Variants in EXOC2 observed in about 807,000 individuals in gnomAD.
EXOC2 encodes SEC5-like 1.
A neutral mutation model predicts 131.8 loss-of-function variants in EXOC2; 70 were observed. That is an observed-to-expected ratio of 0.53 (90% CI 0.44 to 0.65). EXOC2 has a LOEUF of 0.65. Ranked by LOEUF, EXOC2 falls within the 30% of genes least tolerant of loss-of-function variation. The probability of loss-of-function intolerance (pLI) is 0.00; values close to 1 mark genes in which losing one functional copy is unlikely to be tolerated. For missense variants in EXOC2, 923 were observed against 1,108.6 expected (o/e 0.83, Z 2.38); for synonymous variants, 411 against 398.4 (o/e 1.03, Z -0.38).
chr6:664,934 A>G (rs1191675222), intron 1 of EXOC2, among the ~76,000 whole-genome samples: 1 of 152,214 alleles, frequency 6.6e-6, no homozygotes, highest in African/African-American at 2.4e-5. Flanking sequence ...AAAGATAAAT[A>G]GCTGGGACCT....
chr6:657,320 G>A (rs1393154914), intron 1 of EXOC2: 1 of 173,616 alleles, frequency 5.8e-6, no homozygotes. Flanking sequence ...TATATACACT[G>A]ATTCCATCTT....
At chr6:652,991 T>C (rs1360865894) in intron 1 of EXOC2, among the ~76,000 whole-genome samples, 1 of 152,212 alleles carries the variant, frequency 6.6e-6, no homozygotes, top group Non-Finnish European at 1.5e-5. Flanking sequence ...TATCATTACA[T>C]CTGTCATGGT....
At chr6:507,174 A>C (rs1236241484) in intron 23 of EXOC2, among the ~76,000 whole-genome samples, 7 of 36,746 alleles carry the variant, frequency 1.9e-4, no homozygotes, top group African/African-American at 5.7e-4. Context: ...CCCCACCCAC[A>C]CACACAGCAG....
In EXOC2 at chr6:686,903, T is replaced by C. The variant is rs550505018; in HGVS notation, c.-44+6116A>G. ...CCTCCATCCACCCCCAACAAATAAATGAAGACAAAAACTTCAAAGAAGATA... is the reference window on the plus strand; with the variant it reads ...CCTCCATCCACCCCCAACAAATAAACGAAGACAAAAACTTCAAAGAAGATA... On this transcript the variant is annotated intron_variant, in intron 1 of 27. Coordinates refer to ENST00000230449, the MANE Select transcript of EXOC2 (RefSeq NM_018303.6). Among the ~76,000 whole-genome samples the C allele has an allele frequency of 1.1e-4, 17 of 151,480 alleles. No individual in the cohort carries two copies. The South Asian group carries it at 2.9e-3, about 26-fold the overall frequency.
chr6:579,227 C>G (rs1758750899), intron 11 of EXOC2, among the ~76,000 whole-genome samples: 1 of 152,098 alleles, frequency 6.6e-6, no homozygotes, highest in Non-Finnish European at 1.5e-5. Context: ...ATTTTTATAA[C>G]TTTAAATTGT....
At chr6:649,333 G>A (rs1762729523) in intron 1 of EXOC2, among the ~76,000 whole-genome samples, 1 of 152,154 alleles carries the variant, frequency 6.6e-6, no homozygotes, top group Non-Finnish European at 1.5e-5. Flanking sequence ...AATATACAAA[G>A]TACTAAATAA....
At chr6:616,080 A>G (rs898094343) in intron 6 of EXOC2, among the ~76,000 whole-genome samples, 5 of 152,234 alleles carry the variant, frequency 3.3e-5, no homozygotes, top group Non-Finnish European at 5.9e-5. Context: ...GCAACTTTAC[A>G]TATCAGCTCT....
At chr6:532,709 C>A in intron 22 of EXOC2, 99 bp from the exon 23 acceptor site, 4 of 1,169,020 alleles carry the variant, frequency 3.4e-6, no homozygotes, top group African/African-American at 3.2e-5. Flanking sequence ...AATAAAAGCA[C>A]TTCTCAATTT....
chr6:595,893 C>T (rs1048268273), intron 10 of EXOC2, among the ~76,000 whole-genome samples: 9 of 152,040 alleles, frequency 5.9e-5, no homozygotes, highest in African/African-American at 2.2e-4. Context: ...GGTTTATTTC[C>T]AGCTTTACAT....
chr6:537,205 A>AGTTCCTAATCAGCT (rs1766497762), intron 22 of EXOC2, among the ~76,000 whole-genome samples: 2 of 121,250 alleles, frequency 1.6e-5, no homozygotes, highest in African/African-American at 6.4e-5. Flanking sequence ...TACACTCGAG[A>AGTTCCTAATCAGCT]TGACGACCGA....
intron 15 of EXOC2, 116 bp downstream of exon 15, chr6:564,429 C>T (rs1046275447): frequency 4.3e-6 from 6 of 1,406,820 alleles, no homozygotes; most frequent in Non-Finnish European, 4.9e-6. Flanking sequence ...ACAGTGGAGG[C>T]AAAAGGACAA....
intron 22 of EXOC2, among the ~76,000 whole-genome samples, chr6:542,409 G>T (rs779086600): frequency 1.3e-5 from 2 of 152,124 alleles, no homozygotes; most frequent in Non-Finnish European, 2.9e-5. Context: ...GAAAGAGGAC[G>T]GTACGGTGCA....
intron 2 of EXOC2, among the ~76,000 whole-genome samples, chr6:637,104 G>A (rs1164817516): frequency 1.3e-5 from 2 of 152,096 alleles, no homozygotes; most frequent in African/African-American, 4.8e-5. Context: ...AGCTGGAGGT[G>A]TGGTGTCCTA....
chr6:620,081 A>G (rs1761206785), intron 4 of EXOC2, among the ~76,000 whole-genome samples: 1 of 152,220 alleles, frequency 6.6e-6, no homozygotes, highest in Non-Finnish European at 1.5e-5. Context: ...ACTTTAAGAA[A>G]AGCTTGTGAT....
intron 23 of EXOC2, among the ~76,000 whole-genome samples, chr6:502,155 C>T (rs1764251249): frequency 6.6e-6 from 1 of 152,162 alleles, no homozygotes; most frequent in Non-Finnish European, 1.5e-5. Context: ...AGGTAACATA[C>T]ATACTTACTG....
At chr6:533,536 A>C (rs1245246392) in intron 22 of EXOC2, among the ~76,000 whole-genome samples, 1 of 152,094 alleles carries the variant, frequency 6.6e-6, no homozygotes, top group African/African-American at 2.4e-5. Flanking sequence ...CATGGGCAAA[A>C]AGGAACAGGA....
At chr6:624,728 G>A (rs978673683) in intron 4 of EXOC2, among the ~76,000 whole-genome samples, 15 of 152,198 alleles carry the variant, frequency 9.9e-5, no homozygotes, top group Non-Finnish European at 1.3e-4. Flanking sequence ...AAGGGGAGCT[G>A]CTTTCAAATG....
At chr6:536,851 C>G (rs768169659) in intron 22 of EXOC2, among the ~76,000 whole-genome samples, 1 of 152,084 alleles carries the variant, frequency 6.6e-6, no homozygotes. Context: ...CAATTCTGTT[C>G]AAAAGATATT....
chr6:486,580 T>C lies in EXOC2; in HGVS notation c.*91A>G. On this transcript the variant is annotated 3_prime_UTR_variant, in exon 28 of 28. Transcript: ENST00000230449. Reference sequence around the variant, plus strand: ...AAAAAGAGAAAAATGGCAAACCCAATGTTTAATACACCAAATACCTTTAGG... The same window carrying C: ...AAAAAGAGAAAAATGGCAAACCCAACGTTTAATACACCAAATACCTTTAGG... 9 of 1,163,090 alleles carry C rather than the reference T, an allele frequency of 7.7e-6. No individual in the cohort carries two copies. Among genetic ancestry groups the C allele is most frequent in the Non-Finnish European group, 9.9e-6 (8 of 805,922 alleles). The allele number at this position is 1,163,090 out of a possible 1,614,324, so 72.0% of individuals were successfully genotyped here. A position where few individuals can be genotyped will look rare whatever the true frequency, so the allele number is the denominator to read the frequency against.
Sources: allele counts gnomAD v4.1 joint callset (sites outside exome capture counted in the v4.1 genomes callset), GRCh38; gene constraint gnomAD v4.1.1; transcripts MANE v1.5; gene names NCBI Gene and HGNC (gene_info 2026-07-23, HGNC 2026-07-21).